The following GYPC variants were observed in gnomAD, a reference collection of about 807,000 sequenced individuals.
The protein encoded by GYPC is glycophorin C (Gerbich blood group), also known as glycophorin-C.
Under a neutral mutation model 12.6 loss-of-function variants are expected in GYPC, and 14 were observed. That is an observed-to-expected ratio of 1.11 (90% CI 0.74 to 1.74). The LOEUF is 1.74. GYPC is among the 40% of genes most tolerant of loss of function. GYPC has a pLI of 0.00. For synonymous variants in GYPC, 78 were observed against 62.1 expected, an observed-to-expected ratio of 1.26 and a Z score of -1.20; for missense variants, 225 against 172.1, an observed-to-expected ratio of 1.31 and a Z score of -1.72.
At chr2:126,684,176 C>A (rs139583160) in intron 1 of GYPC, among the ~76,000 whole-genome samples, 124 of 152,314 alleles carry the variant, frequency 8.1e-4, no homozygotes, top group Non-Finnish European at 1.6e-3. Flanking sequence ...CCCATACAGA[C>A]CTTCAGGGCA....
intron 1 of GYPC, chr2:126,658,857 A>G (rs1682444704): frequency 6.6e-6 from 1 of 152,158 alleles, no homozygotes; most frequent in Non-Finnish European, 1.5e-5. Flanking sequence ...GCTGATGGGC[A>G]TTTAGGCTGT....
chr2:126,686,925 C>T (rs950842670), intron 1 of GYPC, among the ~76,000 whole-genome samples: 3 of 152,130 alleles, frequency 2.0e-5, no homozygotes, highest in African/African-American at 7.2e-5. Context: ...TCCCTCAGCT[C>T]CAGCAAGGGG....
intron 2 of GYPC, among the ~76,000 whole-genome samples, chr2:126,691,845 G>T (rs1683475684): frequency 6.6e-6 from 1 of 152,144 alleles, no homozygotes. Context: ...AATAAATGCT[G>T]TCTTCACCTG....
chr2:126,691,523 AG>A (rs1683464766), intron 2 of GYPC, among the ~76,000 whole-genome samples: 1 of 152,134 alleles, frequency 6.6e-6, no homozygotes, highest in Non-Finnish European at 1.5e-5. Context: ...GGAGCAGGGT[AG>A]GCTGAGGAGC....
chr2:126,689,550 A>G (rs1012423135), intron 1 of GYPC, among the ~76,000 whole-genome samples: 2 of 150,640 alleles, frequency 1.3e-5, no homozygotes, highest in Non-Finnish European at 3.0e-5. Flanking sequence ...TCCCTCATGC[A>G]TACATTAATA....
Position 126,696,195 on chromosome 2 carries a change from A to C in GYPC, c.*53A>C. ...GCCTCCCCCATCTCCATCAGGAAAA[A>C]TACACCCCATCGCCCAGCACCCCTG... On this transcript the variant is annotated 3_prime_UTR_variant, in exon 4 of 4. Coordinates refer to ENST00000259254, the MANE Select transcript of GYPC (RefSeq NM_002101.5). 7.6e-7 allele frequency: 1 copy of C among 1,311,570 alleles called. No homozygotes were observed. Among genetic ancestry groups the C allele is most frequent in the Non-Finnish European group, 1.1e-6 (1 of 912,220 alleles). The allele number at this position is 1,311,570 out of a possible 1,614,324, so 81.2% of individuals were successfully genotyped here.
In GYPC at chr2:126,682,692, C is replaced by T. The variant is rs79784354; in HGVS notation, c.50-7563C>T. On this transcript the variant is annotated intron_variant, in intron 1 of 3. Coordinates refer to ENST00000259254, the MANE Select transcript of GYPC (RefSeq NM_002101.5). ...CTGCCCTGCTAGTGTGCTGAAGCCA[C>T]GCCAACTGTTCAGGGCAGCTTTCTG... is the stretch of plus-strand genomic sequence containing the variant. 4.6e-4 allele frequency among the ~76,000 whole-genome samples: 70 copies of T among 152,326 alleles called. No homozygotes were observed. In the East Asian group the frequency reaches 0.011, roughly 25 times the overall value.
chr2:126,689,053 G>C (rs187302981), intron 1 of GYPC, among the ~76,000 whole-genome samples: 179 of 152,324 alleles, frequency 1.2e-3, no homozygotes, highest in Non-Finnish European at 2.1e-3. Context: ...GGTCCCCAAT[G>C]TCCTAGACAT....
intron 1 of GYPC, among the ~76,000 whole-genome samples, chr2:126,659,882 C>A (rs1682485910): frequency 6.6e-6 from 1 of 151,782 alleles, no homozygotes; most frequent in Admixed American, 6.6e-5. Context: ...CCTCCACCTC[C>A]TGCGTTGAAG....
At chr2:126,663,094 G>C (rs1682578014) in intron 1 of GYPC, among the ~76,000 whole-genome samples, 1 of 152,202 alleles carries the variant, frequency 6.6e-6, no homozygotes, top group African/African-American at 2.4e-5. Flanking sequence ...CTGGAGTGCA[G>C]TGACATGATC....
intron 1 of GYPC, among the ~76,000 whole-genome samples, chr2:126,687,779 C>T (rs1277015554): frequency 1.3e-5 from 2 of 152,230 alleles, no homozygotes; most frequent in Non-Finnish European, 2.9e-5. Context: ...CCTACCTCCC[C>T]TCCCAGCCTG....
intron 1 of GYPC, among the ~76,000 whole-genome samples, chr2:126,688,948 T>C (rs1315611280): frequency 6.6e-6 from 1 of 152,204 alleles, no homozygotes; most frequent in African/African-American, 2.4e-5. Flanking sequence ...ATTTCCTATG[T>C]TAATGCTGAT....
intron 1 of GYPC, among the ~76,000 whole-genome samples, chr2:126,661,731 C>T (rs1682542183): frequency 6.6e-6 from 1 of 152,126 alleles, no homozygotes; most frequent in Non-Finnish European, 1.5e-5. Context: ...GGATTGATTA[C>T]AGGCATGAGC....
intron 3 of GYPC, 55 bp from the exon 4 acceptor site, chr2:126,695,891 C>T (rs978650808): frequency 4.2e-6 from 6 of 1,435,974 alleles, no homozygotes; most frequent in African/African-American, 2.8e-5. Context: ...GACCACCATC[C>T]CAGGCCCCAG....
In GYPC at chr2:126,685,636, C is replaced by T. The variant is rs143900908; in HGVS notation, c.50-4619C>T. Among the ~76,000 whole-genome samples the T allele has an allele frequency of 6.6e-3, 1,001 of 152,272 alleles. 13 individuals carry two copies. The highest frequency in any genetic ancestry group is 0.02 in the African/African-American group (836 of 41,548). ...CTGACCTCAGGTGTTCCACCCACCTCAGCCTCCCAAAGTTGGGATTACAGG... is the reference window on the plus strand; with the variant it reads ...CTGACCTCAGGTGTTCCACCCACCTTAGCCTCCCAAAGTTGGGATTACAGG... On this transcript the variant is annotated intron_variant, in intron 1 of 3. Coordinates refer to ENST00000259254, the MANE Select transcript of GYPC (RefSeq NM_002101.5).
intron 1 of GYPC, among the ~76,000 whole-genome samples, chr2:126,671,050 G>C (rs772519506): frequency 1.1e-4 from 17 of 152,104 alleles, no homozygotes; most frequent in Non-Finnish European, 2.2e-4. Flanking sequence ...CCTCAACCCC[G>C]TGAGTGGATG....
chr2:126,667,364 C>T (rs1006853578), intron 1 of GYPC, among the ~76,000 whole-genome samples: 4 of 151,920 alleles, frequency 2.6e-5, no homozygotes, highest in African/African-American at 9.7e-5. Flanking sequence ...ATGACTCCTA[C>T]ATGCATTGCC....
At chr2:126,669,296 A>G (rs1464170304) in intron 1 of GYPC, among the ~76,000 whole-genome samples, 2 of 152,286 alleles carry the variant, frequency 1.3e-5, no homozygotes, top group East Asian at 3.9e-4. Flanking sequence ...CCTGGTCATC[A>G]TCCTGTGCTG....
At chr2:126,671,156 C>T (rs1478880618) in intron 1 of GYPC, among the ~76,000 whole-genome samples, 1 of 152,202 alleles carries the variant, frequency 6.6e-6, no homozygotes, top group Non-Finnish European at 1.5e-5. Flanking sequence ...CATCAGTTCC[C>T]GTTCCCTGAC....
Sources: gnomAD v4.1 joint callset for allele counts (sites outside exome capture counted in the v4.1 genomes callset) on GRCh38, gnomAD v4.1.1 for gene constraint, MANE v1.5 for transcripts, NCBI Gene and HGNC (gene_info 2026-07-23, HGNC 2026-07-21) for gene names.